The following MLLT3 variants were observed in gnomAD, a reference collection of about 807,000 sequenced individuals.
The protein encoded by MLLT3 is protein AF-9.
MLLT3 carries 4 observed loss-of-function variants against 53.2 expected under a neutral mutation model. The observed-to-expected ratio is 0.08, with a 90% confidence interval of 0.04 to 0.17. MLLT3 has a LOEUF of 0.17. Ranked by LOEUF, MLLT3 falls within the 10% of genes least tolerant of loss-of-function variation. MLLT3 has a pLI of 1.00. For synonymous variants in MLLT3, 283 were observed against 230.6 expected (o/e 1.23, Z -2.06); for missense variants, 569 against 684.0 (o/e 0.83, Z 1.87).
intron 8 of MLLT3, among the ~76,000 whole-genome samples, chr9:20,358,369 G>A (rs911070969): frequency 6.6e-6 from 1 of 152,212 alleles, no homozygotes; most frequent in Non-Finnish European, 1.5e-5. Context: ...AGTGCATGGA[G>A]AAAGTGACAC....
chr9:20,396,885 G>A (rs913554228), intron 5 of MLLT3, among the ~76,000 whole-genome samples: 8 of 152,248 alleles, frequency 5.3e-5, no homozygotes, highest in Admixed American at 1.3e-4. Context: ...CCAAGGTGAG[G>A]CACAATCAAG....
At chr9:20,352,500 C>A (rs960612592) in intron 10 of MLLT3, among the ~76,000 whole-genome samples, 1 of 152,076 alleles carries the variant, frequency 6.6e-6, no homozygotes, top group African/African-American at 2.4e-5. Flanking sequence ...GCTTCCTTAC[C>A]CATACTAACT....
At chr9:20,412,048 A>C (rs946625931) in intron 5 of MLLT3, 2 of 152,200 alleles carry the variant, frequency 1.3e-5, no homozygotes, top group Non-Finnish European at 2.9e-5. Flanking sequence ...CGTTAAATTT[A>C]TTTCACAGCT....
chr9:20,536,563 A>T (rs1818491117), intron 2 of MLLT3, among the ~76,000 whole-genome samples: 1 of 152,220 alleles, frequency 6.6e-6, no homozygotes, highest in Non-Finnish European at 1.5e-5. Context: ...CAGTCTAATG[A>T]GCCAACTGTA....
chr9:20,474,042 G>C lies in MLLT3; in HGVS notation c.194-17256C>G, dbSNP rs146050950. The stretch of plus-strand genomic sequence containing the variant: ...ACGATGATAATATAACCAGCCTCTC[G>C]ATACTCAGGACACTGACCTTGCTGC... On this transcript the variant is annotated intron_variant, in intron 2 of 10. Transcript: ENST00000380338. Among the ~76,000 whole-genome samples the C allele has an allele frequency of 2.3e-3, 352 of 152,128 alleles. 5 individuals carry two copies. The highest frequency in any genetic ancestry group is 7.9e-3 in the African/African-American group (328 of 41,516).
At chr9:20,494,122 T>C (rs1825018452) in intron 2 of MLLT3, among the ~76,000 whole-genome samples, 2 of 152,162 alleles carry the variant, frequency 1.3e-5, no homozygotes, top group South Asian at 2.1e-4. Context: ...ACTATTAAAA[T>C]ATCTTTGTCA....
chr9:20,615,306 T>A (rs1045018100), intron 2 of MLLT3, among the ~76,000 whole-genome samples: 9 of 124,852 alleles, frequency 7.2e-5, no homozygotes, highest in Non-Finnish European at 1.4e-4. Flanking sequence ...GAGGTTGCAA[T>A]GAGCTGAAAT....
chr9:20,363,306 C>T (rs3764797), intron 7 of MLLT3, 170 bp downstream of exon 7: 75,212 of 634,256 alleles, frequency 0.12, 17,640 homozygotes, highest in African/African-American at 0.75. Context: ...AAAGGAGAAA[C>T]AGTTCCCTGT....
intron 9 of MLLT3, among the ~76,000 whole-genome samples, chr9:20,353,975 T>C (rs1821100766): frequency 6.6e-6 from 1 of 152,040 alleles, no homozygotes; most frequent in Admixed American, 6.5e-5. Flanking sequence ...CATTCTTGAA[T>C]CTCAGAAGGT....
At chr9:20,364,300 T>C (rs1821396760) in intron 6 of MLLT3, among the ~76,000 whole-genome samples, 1 of 152,150 alleles carries the variant, frequency 6.6e-6, no homozygotes, top group Non-Finnish European at 1.5e-5. Context: ...CAGTATCCAG[T>C]ATCAGACAGG....
At chr9:20,559,144 T>C (rs569584609) in intron 2 of MLLT3, among the ~76,000 whole-genome samples, 48 of 152,306 alleles carry the variant, frequency 3.2e-4, no homozygotes, top group African/African-American at 1.1e-3. Flanking sequence ...TGCTAATTTG[T>C]TTTTACTAAA....
chr9:20,480,515 G>C (rs1361763933), intron 2 of MLLT3, among the ~76,000 whole-genome samples: 2 of 152,194 alleles, frequency 1.3e-5, no homozygotes, highest in African/African-American at 2.4e-5. Flanking sequence ...GTTTCAGATG[G>C]AGCCAGCCTG....
intron 2 of MLLT3, among the ~76,000 whole-genome samples, chr9:20,546,375 C>CA (rs538968963): frequency 1.4e-3 from 218 of 152,078 alleles, no homozygotes; most frequent in Non-Finnish European, 2.6e-3. Context: ...ACTGTTTCAG[C>CA]AAAAAAATTT....
chr9:20,445,266 C>A (rs1823665510), intron 4 of MLLT3, among the ~76,000 whole-genome samples: 1 of 152,054 alleles, frequency 6.6e-6, no homozygotes, highest in South Asian at 2.1e-4. Flanking sequence ...GCCCTGCCCA[C>A]AATACTTCTT....
chr9:20,375,891 A>C (rs896604492), intron 5 of MLLT3, among the ~76,000 whole-genome samples: 1 of 151,952 alleles, frequency 6.6e-6, no homozygotes, highest in African/African-American at 2.4e-5. Context: ...TACAGGCCTG[A>C]GCCACCGCGC....
chr9:20,393,922 A>C (rs1822254583), intron 5 of MLLT3, among the ~76,000 whole-genome samples: 1 of 152,176 alleles, frequency 6.6e-6, no homozygotes, highest in African/African-American at 2.4e-5. Context: ...TGATTATTTG[A>C]TACTTGTCTT....
chr9:20,353,162 A>G (rs1161068352), intron 10 of MLLT3, among the ~76,000 whole-genome samples: 1 of 152,202 alleles, frequency 6.6e-6, no homozygotes, highest in African/African-American at 2.4e-5. Flanking sequence ...TCAAATTCTT[A>G]TCACTGTTTT....
rs1018227252 is a variant in MLLT3, at chr9:20,557,533, C to T, written c.193+63121G>A. ...TTCTACTACAGTGACTATCACCACA[C>T]CTGGTCCAGATTTTTACTGTGTAGA... On this transcript the variant is annotated intron_variant, in intron 2 of 10. Transcript: ENST00000380338. Among the ~76,000 whole-genome samples, 14 of 152,270 alleles carry T rather than the reference C, an allele frequency of 9.2e-5. No homozygotes were observed. The South Asian group carries it at 2.9e-3, about 32-fold the overall frequency.
At chr9:20,598,939 G>A (rs1820343837) in intron 2 of MLLT3, among the ~76,000 whole-genome samples, 1 of 152,142 alleles carries the variant, frequency 6.6e-6, no homozygotes, top group South Asian at 2.1e-4. Flanking sequence ...AAATTAAAGG[G>A]AAAAGCACAA....
Sources: allele counts gnomAD v4.1 joint callset (sites outside exome capture counted in the v4.1 genomes callset), GRCh38; gene constraint gnomAD v4.1.1; transcripts MANE v1.5; gene names NCBI Gene and HGNC (gene_info 2026-07-23, HGNC 2026-07-21).